EPOP: variants seen among roughly 807,000 people sequenced by gnomAD.
The protein encoded by EPOP is elongin BC and polycomb repressive complex 2 associated protein.
A neutral mutation model predicts 18.2 loss-of-function variants in EPOP; 14 were observed. That is an observed-to-expected ratio of 0.77 (90% CI 0.51 to 1.20). EPOP has a LOEUF of 1.20. Ranked by LOEUF, EPOP falls within the 50% of genes most tolerant of loss-of-function variation. The pLI, the probability that EPOP is intolerant of heterozygous loss-of-function variation, is 0.00. For missense variants in EPOP, 527 were observed against 577.2 expected (o/e 0.91, Z 0.89); for synonymous variants, 252 against 274.9 (o/e 0.92, Z 0.83).
chr17:38,673,541 A>C lies in EPOP; in HGVS notation c.955T>G (p.Phe319Val), dbSNP rs1188689031. ...TTSTFSLLNC[F>V]PCPPALVVGE... ...ACCACCAGGGCCGGGGGGCAGGGGA[A>C]GCAGTTGAGGAGGCTGAAGGTGCTC... The change falls in exon 1 of 1, where the codon TTC becomes GTC. Residue 319 changes from phenylalanine (F) to valine (V), a missense_variant. Phe to Val is a conservative substitution (Grantham distance 50, BLOSUM62 -1). Coordinates refer to ENST00000621654, the MANE Select transcript of EPOP (RefSeq NM_001130677.2). 6.6e-7 allele frequency: 1 copy of C among 1,512,184 alleles called. No homozygotes were observed. The highest frequency in any genetic ancestry group is 8.9e-7 in the Non-Finnish European group (1 of 1,129,058). The allele number at this position is 1,512,184 out of a possible 1,614,324, so 93.7% of individuals were successfully genotyped here.
Position 38,673,980 on chromosome 17 carries a change from G to A in EPOP, c.516C>T (p.Ala172=). The change falls in exon 1 of 1, where the codon GCC becomes GCT. Residue 172 remains alanine (A), a synonymous_variant. Transcript: ENST00000621654. The part of the protein sequence containing the change: ...PGLEPQRGPA[A]SPPQEPSSRP... Reference sequence around the variant, plus strand: ...GGGAACTGGGTTCCTGAGGCGGGCTGGCGGCTGGGCCACGCTGAGGCTCGA... The same window carrying A: ...GGGAACTGGGTTCCTGAGGCGGGCTAGCGGCTGGGCCACGCTGAGGCTCGA... 1 of 1,397,002 alleles carries A rather than the reference G, an allele frequency of 7.2e-7. No individual in the cohort carries two copies. The highest frequency in any genetic ancestry group is 9.2e-7 in the Non-Finnish European group (1 of 1,086,366). The allele number at this position is 1,397,002 out of a possible 1,614,324, so 86.5% of individuals were successfully genotyped here. A position where few individuals can be genotyped will look rare whatever the true frequency, so the allele number is the denominator to read the frequency against.
Position 38,674,566 on chromosome 17 carries a change from G to A in EPOP, c.-71C>T, listed in dbSNP as rs1016999883. ...GCGGGATGCCCTGGCTGCCCGAAGA[G>A]CCCACGGGTGAGGGGAACATCGCCC... On this transcript the variant is annotated 5_prime_UTR_variant, in exon 1 of 1. Transcript: ENST00000621654. This position sits in a 1 kb window ranked among gnomAD's most constrained non-coding sequence, Gnocchi z 4.5. 10 of 1,398,756 alleles carry A rather than the reference G, an allele frequency of 7.1e-6. No homozygotes were observed. The Admixed American group carries it at 1.1e-4, about 15-fold the overall frequency. 86.6% of individuals were successfully genotyped at this position (1,398,756 alleles called of 1,614,324 possible).
rs1420144597 is a variant in EPOP, at chr17:38,672,612, G to A, written c.*744C>T. 2 of 152,126 alleles carry A rather than the reference G, an allele frequency of 1.3e-5. No individual in the cohort carries two copies. The highest frequency in any genetic ancestry group is 1.3e-4 in the Admixed American group (2 of 15,254). 9.4% of individuals were successfully genotyped at this position (152,126 alleles called of 1,614,324 possible). A position where few individuals can be genotyped will look rare whatever the true frequency, so the allele number is the denominator to read the frequency against. The stretch of plus-strand genomic sequence containing the variant: ...GGGAGGGGGCTGATTAATCAAGGTT[G>A]GGGGAAATCTTTCTCACCGGCCAGA... On this transcript the variant is annotated 3_prime_UTR_variant, in exon 1 of 1. Coordinates refer to ENST00000621654, the MANE Select transcript of EPOP (RefSeq NM_001130677.2).
Position 38,673,187 on chromosome 17 carries a change from T to C in EPOP, c.*169A>G, listed in dbSNP as rs1910995297. The C allele has an allele frequency of 6.4e-6, 8 of 1,247,638 alleles. No homozygotes were observed. The highest frequency in any genetic ancestry group is 7.3e-6 in the Non-Finnish European group (7 of 955,276). The allele number at this position is 1,247,638 out of a possible 1,614,324, so 77.3% of individuals were successfully genotyped here. On this transcript the variant is annotated 3_prime_UTR_variant, in exon 1 of 1. Transcript: ENST00000621654. ...TGCAAAGGATGAGGGGGAGGGACTGTCACCCCGAAAACTTAGGTGCTTGAA... is the reference window on the plus strand; with the variant it reads ...TGCAAAGGATGAGGGGGAGGGACTGCCACCCCGAAAACTTAGGTGCTTGAA...
At position 38,674,691 on chromosome 17, in the gene EPOP, G is replaced by A. The variant is rs1450016579; in HGVS notation, c.-196C>T. ...TTCGCTCTCCTCACGCGGCCCTCCC[G>A]GCGGCCGGACTCCTGGGTCCCTGTG... On this transcript the variant is annotated 5_prime_UTR_variant, in exon 1 of 1. Coordinates refer to ENST00000621654, the MANE Select transcript of EPOP (RefSeq NM_001130677.2). This position sits in a 1 kb window ranked among gnomAD's most constrained non-coding sequence, Gnocchi z 4.5. 2.7e-5 allele frequency: 13 copies of A among 484,716 alleles called. No individual in the cohort carries two copies. The highest frequency in any genetic ancestry group is 4.1e-5 in the Non-Finnish European group (12 of 290,842). The allele number at this position is 484,716 out of a possible 1,614,324, so 30.0% of individuals were successfully genotyped here.
Position 38,673,866 on chromosome 17 carries a change from T to C in EPOP, c.630A>G (p.Glu210=). The C allele has an allele frequency of 6.9e-7, 1 of 1,449,016 alleles. No homozygotes were observed. Among genetic ancestry groups the C allele is most frequent in the East Asian group, 3.0e-5 (1 of 33,470 alleles). 89.8% of individuals were successfully genotyped at this position (1,449,016 alleles called of 1,614,324 possible). A position where few individuals can be genotyped will look rare whatever the true frequency, so the allele number is the denominator to read the frequency against. The part of the protein sequence containing the change: ...PRPFLPGQPA[E]VDGNPPPAAP... Reference sequence around the variant, plus strand: ...CGGCCGGCGGGGGGTTTCCATCGACTTCGGCAGGCTGGCCGGGCAGGAACG... The same window carrying C: ...CGGCCGGCGGGGGGTTTCCATCGACCTCGGCAGGCTGGCCGGGCAGGAACG... Residue 210 remains glutamate, a synonymous_variant, in exon 1 of 1, where the codon GAA becomes GAG. Transcript: ENST00000621654.
At position 38,674,680 on chromosome 17, in the gene EPOP, G is replaced by A. The variant is rs1911068846; in HGVS notation, c.-185C>T. ...CGGGCTCCCTCTTCGCTCTCCTCACGCGGCCCTCCCGGCGGCCGGACTCCT... is the reference window on the plus strand; with the variant it reads ...CGGGCTCCCTCTTCGCTCTCCTCACACGGCCCTCCCGGCGGCCGGACTCCT... On this transcript the variant is annotated 5_prime_UTR_variant, in exon 1 of 1. Coordinates refer to ENST00000621654, the MANE Select transcript of EPOP (RefSeq NM_001130677.2). The surrounding 1 kb of genome is among the most constrained non-coding windows in gnomAD (Gnocchi z 4.5). The A allele has an allele frequency of 1.4e-5, 7 of 511,964 alleles. No homozygotes were observed. The South Asian group carries it at 3.3e-4, about 24-fold the overall frequency. The allele number at this position is 511,964 out of a possible 1,614,324, so 31.7% of individuals were successfully genotyped here. A position where few individuals can be genotyped will look rare whatever the true frequency, so the allele number is the denominator to read the frequency against.
In EPOP at chr17:38,674,484, C is replaced by T; in HGVS notation, c.12G>A (p.Leu4=). Residue 4 remains leucine, a synonymous_variant, in exon 1 of 1, where the codon CTG becomes CTA. Coordinates refer to ENST00000621654, the MANE Select transcript of EPOP (RefSeq NM_001130677.2). This position sits in a 1 kb window ranked among gnomAD's most constrained non-coding sequence, Gnocchi z 4.5. MET[L]CPAPRLAVPA... ...GCACTGCCAGGCGGGGCGCAGGGCACAGGGTCTCCATGGAGCAGCCTGAGG... is the reference window on the plus strand; with the variant it reads ...GCACTGCCAGGCGGGGCGCAGGGCATAGGGTCTCCATGGAGCAGCCTGAGG... 3 of 1,533,760 alleles carry T rather than the reference C, an allele frequency of 2.0e-6. No individual in the cohort carries two copies. The highest frequency in any genetic ancestry group is 2.6e-6 in the Non-Finnish European group (3 of 1,144,114).
At position 38,673,182 on chromosome 17, in the gene EPOP, G is replaced by A. The variant is rs1160113928; in HGVS notation, c.*174C>T. 1 of 1,182,296 alleles carries A rather than the reference G, an allele frequency of 8.5e-7. No individual in the cohort carries two copies. The highest frequency in any genetic ancestry group is 1.6e-5 in the African/African-American group (1 of 61,788). The allele number at this position is 1,182,296 out of a possible 1,614,324, so 73.2% of individuals were successfully genotyped here. A position where few individuals can be genotyped will look rare whatever the true frequency, so the allele number is the denominator to read the frequency against. ...TCCTCTGCAAAGGATGAGGGGGAGG[G>A]ACTGTCACCCCGAAAACTTAGGTGC... On this transcript the variant is annotated 3_prime_UTR_variant, in exon 1 of 1. Coordinates refer to ENST00000621654, the MANE Select transcript of EPOP (RefSeq NM_001130677.2).
At position 38,674,128 on chromosome 17, in the gene EPOP, C is replaced by A; in HGVS notation, c.368G>T (p.Gly123Val). The change falls in exon 1 of 1, where the codon GGA becomes GTA. Residue 123 changes from glycine to valine, a missense_variant. Gly to Val is a moderately radical substitution (Grantham distance 109, BLOSUM62 -3). Transcript: ENST00000621654. This position sits in a 1 kb window ranked among gnomAD's most constrained non-coding sequence, Gnocchi z 4.5. ...AACGCCGAAGTGCGGGAAACCGCCT[C>A]CGCCCTCTTCCTCCTCTCCGCGGCG... ...CPRRGEEEEG[G>V]GGFPHFGVRS... 6.9e-7 allele frequency: 1 copy of A among 1,453,334 alleles called. No individual in the cohort carries two copies. Among genetic ancestry groups the A allele is most frequent in the South Asian group, 1.4e-5 (1 of 72,708 alleles). 90.0% of individuals were successfully genotyped at this position (1,453,334 alleles called of 1,614,324 possible).
chr17:38,673,595 G>A lies in EPOP; in HGVS notation c.901C>T (p.Arg301Cys). ...GTGGGGAGCGTCGGTGCAGGGCGGCGGGGCTGCGCGGTGCGCGGAGGGGGC... is the reference window on the plus strand; with the variant it reads ...GTGGGGAGCGTCGGTGCAGGGCGGCAGGGCTGCGCGGTGCGCGGAGGGGGC... ...PAPPPRTAQP[R>C]RPAPTLPTTS... The change falls in exon 1 of 1, where the codon CGC becomes TGC. Residue 301 changes from arginine (R) to cysteine (C), a missense_variant. Arg to Cys is a radical substitution (Grantham distance 180, BLOSUM62 -3). Coordinates refer to ENST00000621654, the MANE Select transcript of EPOP (RefSeq NM_001130677.2). 6.8e-7 allele frequency: 1 copy of A among 1,472,680 alleles called. No homozygotes were observed. Among genetic ancestry groups the A allele is most frequent in the Non-Finnish European group, 9.0e-7 (1 of 1,116,922 alleles). 91.2% of individuals were successfully genotyped at this position (1,472,680 alleles called of 1,614,324 possible).
Position 38,673,359 on chromosome 17 carries a change from G to C in EPOP, c.1137C>G (p.Ser379Arg). ...LKFWGINMDE[S>R] ...CCCTTTGGCAGAAGTCCCACGGTCA[G>C]CTTTCATCCATGTTGATCCCCCAGA... is the stretch of plus-strand genomic sequence containing the variant. The change falls in exon 1 of 1, where the codon AGC (serine) becomes AGG (arginine). Residue 379 changes from serine to arginine, a missense_variant. Physicochemically the swap from Ser to Arg is moderately radical, Grantham distance 110. Transcript: ENST00000621654. 1 of 1,516,608 alleles carries C rather than the reference G, an allele frequency of 6.6e-7. No homozygotes were observed. Among genetic ancestry groups the C allele is most frequent in the South Asian group, 1.2e-5 (1 of 81,200 alleles). The allele number at this position is 1,516,608 out of a possible 1,614,324, so 93.9% of individuals were successfully genotyped here.
Position 38,673,481 on chromosome 17 carries a change from G to A in EPOP, c.1015C>T (p.Leu339Phe). Reference sequence around the variant, plus strand: ...GGCTTAGAGTCTCCCTGGAGGCGAAGCGAGGATGCCGGCTTTAGGTCTCCG... The same window carrying A: ...GGCTTAGAGTCTCCCTGGAGGCGAAACGAGGATGCCGGCTTTAGGTCTCCG... ...EDGDLKPASS[L>F]RLQGDSKPPP... is the part of the protein sequence containing the mutation. Residue 339 changes from leucine to phenylalanine, a missense_variant, in exon 1 of 1, where the codon CTT (leucine) becomes TTT (phenylalanine). Coordinates refer to ENST00000621654, the MANE Select transcript of EPOP (RefSeq NM_001130677.2). The A allele has an allele frequency of 1.3e-6, 2 of 1,536,844 alleles. No homozygotes were observed. The highest frequency in any genetic ancestry group is 1.8e-6 in the Non-Finnish European group (2 of 1,141,868).
chr17:38,674,567 C>T lies in EPOP; in HGVS notation c.-72G>A, dbSNP rs1911065801. ...CGGGATGCCCTGGCTGCCCGAAGAG[C>T]CCACGGGTGAGGGGAACATCGCCCC... On this transcript the variant is annotated 5_prime_UTR_variant, in exon 1 of 1. Transcript: ENST00000621654. The surrounding 1 kb of genome is among the most constrained non-coding windows in gnomAD (Gnocchi z 4.5). The T allele has an allele frequency of 1.4e-6, 2 of 1,398,038 alleles. No homozygotes were observed. Among genetic ancestry groups the T allele is most frequent in the East Asian group, 2.7e-5 (1 of 36,536 alleles). 86.6% of individuals were successfully genotyped at this position (1,398,038 alleles called of 1,614,324 possible). A position where few individuals can be genotyped will look rare whatever the true frequency, so the allele number is the denominator to read the frequency against.
chr17:38,673,846 G>C lies in EPOP; in HGVS notation c.650C>G (p.Pro217Arg), dbSNP rs1184347215. The change falls in exon 1 of 1, where the codon CCG becomes CGG. Residue 217 changes from proline to arginine, a missense_variant. Pro to Arg is a moderately radical substitution (Grantham distance 103, BLOSUM62 -2). Coordinates refer to ENST00000621654, the MANE Select transcript of EPOP (RefSeq NM_001130677.2). ...QPAEVDGNPP[P>R]AAPEAPAASP... ...GGCCGCTGGAGCCTCGGGGGCGGCC[G>C]GCGGGGGGTTTCCATCGACTTCGGC... 6.8e-7 allele frequency: 1 copy of C among 1,480,638 alleles called. No homozygotes were observed. Among genetic ancestry groups the C allele is most frequent in the Admixed American group, 2.5e-5 (1 of 39,648 alleles). 91.7% of individuals were successfully genotyped at this position (1,480,638 alleles called of 1,614,324 possible). A position where few individuals can be genotyped will look rare whatever the true frequency, so the allele number is the denominator to read the frequency against.
In EPOP at chr17:38,673,685, C is replaced by T; in HGVS notation, c.811G>A (p.Gly271Arg). The T allele has an allele frequency of 6.5e-7, 1 of 1,532,470 alleles. No homozygotes were observed. Among genetic ancestry groups the T allele is most frequent in the Non-Finnish European group, 8.8e-7 (1 of 1,139,996 alleles). 94.9% of individuals were successfully genotyped at this position (1,532,470 alleles called of 1,614,324 possible). A position where few individuals can be genotyped will look rare whatever the true frequency, so the allele number is the denominator to read the frequency against. ...CCTTTCGCAGGCGGCCGCTCTGGCC[C>T]CCGGCGCAAACTCGGAGTGTCCAAG... Reference protein sequence around the residue: ...FALDTPSLRRGPERPPAKGPA... With the variant: ...FALDTPSLRRRPERPPAKGPA... Residue 271 changes from glycine (G) to arginine (R), a missense_variant, in exon 1 of 1, where the codon GGG becomes AGG. By Grantham distance (125) the Gly-to-Arg change is moderately radical. Transcript: ENST00000621654.
Position 38,674,386 on chromosome 17 carries a change from G to C in EPOP, c.110C>G (p.Pro37Arg), listed in dbSNP as rs563130483. The C allele has an allele frequency of 6.5e-7, 1 of 1,543,998 alleles. No individual in the cohort carries two copies. Residue 37 changes from proline to arginine, a missense_variant, in exon 1 of 1, where the codon CCG (proline) becomes CGG (arginine). Physicochemically the swap from Pro to Arg is moderately radical, Grantham distance 103. Coordinates refer to ENST00000621654, the MANE Select transcript of EPOP (RefSeq NM_001130677.2). This position sits in a 1 kb window ranked among gnomAD's most constrained non-coding sequence, Gnocchi z 4.5. ...KPCRGTQEFS[P>R]LCLRALAFCA... ...GAAGGCGAGGGCACGCAGGCACAGC[G>C]GAGAGAATTCCTGGGTCCCCCGACA... is the stretch of plus-strand genomic sequence containing the variant.
chr17:38,673,612 G>C lies in EPOP; in HGVS notation c.884C>G (p.Pro295Arg), dbSNP rs547382847. 2 of 1,508,360 alleles carry C rather than the reference G, an allele frequency of 1.3e-6. No homozygotes were observed. Among genetic ancestry groups the C allele is most frequent in the Non-Finnish European group, 1.8e-6 (2 of 1,131,002 alleles). 93.4% of individuals were successfully genotyped at this position (1,508,360 alleles called of 1,614,324 possible). ...AKKRRLPAPPPRTAQPRRPAP... is the reference protein window; with the variant it reads ...AKKRRLPAPPRRTAQPRRPAP... ...AGGGCGGCGGGGCTGCGCGGTGCGC[G>C]GAGGGGGCGCCGGCAGCCGGCGTTT... is the stretch of plus-strand genomic sequence containing the variant. The change falls in exon 1 of 1, where the codon CCG (proline) becomes CGG (arginine). Residue 295 changes from proline to arginine, a missense_variant. Transcript: ENST00000621654.
rs1911051762 is a variant in EPOP, at chr17:38,674,276, G to A, written c.220C>T (p.Gln74Ter). 2.0e-6 allele frequency: 3 copies of A among 1,479,546 alleles called. No homozygotes were observed. The African/African-American group carries it at 4.4e-5, about 22-fold the overall frequency. The allele number at this position is 1,479,546 out of a possible 1,614,324, so 91.7% of individuals were successfully genotyped here. The change falls in exon 1 of 1, where the codon CAG (glutamine) becomes TAG (stop). Residue 74 changes from glutamine (Q) to a stop codon, truncating the protein, a stop_gained. Coordinates refer to ENST00000621654, the MANE Select transcript of EPOP (RefSeq NM_001130677.2). LOFTEE classifies it high-confidence loss of function. The surrounding 1 kb of genome is among the most constrained non-coding windows in gnomAD (Gnocchi z 4.5). Reference protein sequence around the residue: ...AARSPVLRGPQAPLRPGGWAP... With the variant: ...AARSPVLRGP The stretch of plus-strand genomic sequence containing the variant: ...CAGCCGCCAGGGCGCAGGGGGGCCT[G>A]AGGGCCCCGCAGCACTGGGGACCGC...
Sources: allele counts gnomAD v4.1 joint callset, GRCh38; gene constraint gnomAD v4.1.1; non-coding constraint Gnocchi (gnomAD v3.1); transcripts MANE v1.5; gene names NCBI Gene and HGNC (gene_info 2026-07-23, HGNC 2026-07-21).